Variants in LIPJ observed in about 807,000 individuals in gnomAD.
The protein encoded by LIPJ is lipase family member J, also known as lipase member J.
Under a neutral mutation model 39.8 loss-of-function variants are expected in LIPJ, and 33 were observed. The ratio of observed to expected loss-of-function variants is 0.83; its 90% CI spans 0.63 to 1.11. The LOEUF is 1.11. Ranked by LOEUF, LIPJ falls within the 50% of genes least tolerant of loss-of-function variation. The pLI is 0.00. For synonymous variants in LIPJ, 128 were observed against 139.2 expected (o/e 0.92, Z 0.57); for missense variants, 422 against 427.9 (o/e 0.99, Z 0.12).
chr10:88,612,136 A>G, the LIPJ span, among the ~76,000 whole-genome samples: 1 of 152,198 alleles, frequency 6.6e-6, no homozygotes, highest in South Asian at 2.1e-4. Flanking sequence ...CAAAACAATT[A>G]TCACCTAAGA....
upstream of LIPJ, chr10:88,583,071 A>C: frequency 1.2e-6 from 2 of 1,610,916 alleles, no homozygotes; most frequent in East Asian, 2.2e-5. Context: ...TAGACAACCC[A>C]CCTGAGTCCT....
chr10:88,585,200 G>T (rs1208309461), upstream of LIPJ, among the ~76,000 whole-genome samples: 1 of 152,148 alleles, frequency 6.6e-6, no homozygotes, highest in Non-Finnish European at 1.5e-5. Context: ...AAGTGAGTTT[G>T]CCCAAGGTTA....
chr10:88,602,582 T>A, exon 9 of LIPJ: 2 of 1,399,440 alleles, frequency 1.4e-6, no homozygotes, highest in Admixed American at 3.6e-5. Flanking sequence ...TCAGAGTCGT[T>A]TGGATGTGTA....
chr10:88,599,139 G>A (rs1851375887), intron 8 of LIPJ, among the ~76,000 whole-genome samples: 1 of 151,020 alleles, frequency 6.6e-6, no homozygotes, highest in African/African-American at 2.4e-5. Flanking sequence ...GTTTCAAGTA[G>A]CCTGAATGGC....
At chr10:88,599,706 C>A (rs916459268) in intron 8 of LIPJ, among the ~76,000 whole-genome samples, 1 of 151,436 alleles carries the variant, frequency 6.6e-6, no homozygotes, top group Non-Finnish European at 1.5e-5. Flanking sequence ...CACACACACA[C>A]ACACATATAT....
In LIPJ at chr10:88,596,428, C is replaced by T; in HGVS notation, c.576+12C>T. ...AGTCAATAGTCATGGTATGTTCTAC[C>T]TTTATTTTATGTCATTGATAACCCA... On this transcript the variant is annotated intron_variant, in intron 7 of 10. Coordinates refer to ENST00000371939, the Ensembl canonical transcript of LIPJ. 1.3e-6 allele frequency: 2 copies of T among 1,484,648 alleles called. No individual in the cohort carries two copies. Among genetic ancestry groups the T allele is most frequent in the South Asian group, 1.4e-5 (1 of 69,056 alleles). 92.0% of individuals were successfully genotyped at this position (1,484,648 alleles called of 1,614,324 possible).
chr10:88,583,998 C>A (rs534236121), upstream of LIPJ: 1 of 152,194 alleles, frequency 6.6e-6, no homozygotes, highest in South Asian at 2.1e-4. Flanking sequence ...AATGAAACAA[C>A]AAAGGCAATG....
chr10:88,601,130 G>T (rs1332224928), intron 8 of LIPJ, among the ~76,000 whole-genome samples: 2 of 151,818 alleles, frequency 1.3e-5, no homozygotes, highest in South Asian at 2.1e-4. Context: ...TGTATTTTTA[G>T]TAGAGATGGG....
At chr10:88,595,576 T>C (rs898565238) in intron 6 of LIPJ, among the ~76,000 whole-genome samples, 14 of 151,752 alleles carry the variant, frequency 9.2e-5, no homozygotes, top group African/African-American at 2.9e-4. Context: ...TATTCAATTA[T>C]TTAAAACCAG....
At chr10:88,595,347 A>G (rs959033753) in intron 6 of LIPJ, among the ~76,000 whole-genome samples, 1 of 151,740 alleles carries the variant, frequency 6.6e-6, no homozygotes, top group Non-Finnish European at 1.5e-5. Flanking sequence ...TGGTACTGTA[A>G]ACCTCTTTAC....
chr10:88,593,601 A>G (rs1198140296), intron 4 of LIPJ: 2 of 163,978 alleles, frequency 1.2e-5, no homozygotes, highest in Admixed American at 6.3e-5. Context: ...GGATGTGTCA[A>G]CTTTGCTATG....
chr10:88,615,696 A>T, the LIPJ span, among the ~76,000 whole-genome samples: 1 of 152,094 alleles, frequency 6.6e-6, no homozygotes, highest in African/African-American at 2.4e-5. Flanking sequence ...GCCCAAAGAA[A>T]AATGATTGAC....
chr10:88,586,319 G>A (rs1463253890), upstream of LIPJ, among the ~76,000 whole-genome samples: 1 of 152,064 alleles, frequency 6.6e-6, no homozygotes, highest in Non-Finnish European at 1.5e-5. Context: ...CAGCTTTCTG[G>A]AAAGGTAAGA....
At chr10:88,613,742 TG>T in the LIPJ span, among the ~76,000 whole-genome samples, 1 of 101,280 alleles carries the variant, frequency 9.9e-6, no homozygotes, top group African/African-American at 3.8e-5. Flanking sequence ...AAAGGCATCC[TG>T]ATATATATAT....
chr10:88,587,197 G>A (rs1039262034), intron 1 of LIPJ, 69 bp from the exon 2 acceptor site: 1 of 151,678 alleles, frequency 6.6e-6, no homozygotes, highest in Middle Eastern at 3.2e-3. Flanking sequence ...AAAGGGGCTT[G>A]AAAAAAATAG....
chr10:88,596,177 A>G, intron 6 of LIPJ, 103 bp from the exon 7 acceptor site: 1 of 762,782 alleles, frequency 1.3e-6, no homozygotes, highest in Non-Finnish European at 1.9e-6. Flanking sequence ...TTAATTGTTC[A>G]GAAACTATTT....
chr10:88,621,778 A>T, the LIPJ span, among the ~76,000 whole-genome samples: 1 of 152,180 alleles, frequency 6.6e-6, no homozygotes, highest in South Asian at 2.1e-4. Context: ...ATTTGACCTA[A>T]GGAAAAGTCA....
At chr10:88,617,818 T>G in the LIPJ span, among the ~76,000 whole-genome samples, 709 of 152,322 alleles carry the variant, frequency 4.7e-3, 5 homozygotes, top group African/African-American at 0.016. Flanking sequence ...GGGAACAGCT[T>G]TAAAAATCAT....
At chr10:88,611,564 CA>C (rs1470915525), downstream of LIPJ, among the ~76,000 whole-genome samples, 4 of 151,972 alleles carry the variant, frequency 2.6e-5, no homozygotes, top group East Asian at 5.8e-4. Context: ...AGAGCATAAG[CA>C]AAAAACAATT....
Sources: gnomAD v4.1 joint callset for allele counts (sites outside exome capture counted in the v4.1 genomes callset) on GRCh38, gnomAD v4.1.1 for gene constraint, MANE v1.5 for transcripts, NCBI Gene and HGNC (gene_info 2026-07-23, HGNC 2026-07-21) for gene names.